The following PCDH11X variants were observed in gnomAD, a reference collection of about 807,000 sequenced individuals.
PCDH11X encodes the protein protocadherin 11 X-linked.
PCDH11X carries 18 observed loss-of-function variants against 53.3 expected under a neutral mutation model. The ratio of observed to expected loss-of-function variants is 0.34; its 90% CI spans 0.23 to 0.50. The LOEUF is 0.50. PCDH11X is among the 20% of genes least tolerant of loss of function. The pLI, the probability that PCDH11X is intolerant of heterozygous loss-of-function variation, is 0.98. For missense variants in PCDH11X, 570 were observed against 1,032.4 expected (o/e 0.55, Z 6.14); for synonymous variants, 279 against 393.3 (o/e 0.71, Z 3.44).
intron 6 of PCDH11X, among the ~76,000 whole-genome samples, chrX:91,897,919 A>G (rs982529577): frequency 8.9e-6 from 1 of 112,135 alleles, no homozygotes; most frequent in Non-Finnish European, 1.9e-5. Context: ...TGCCAGGCAT[A>G]GTGCTAGGCA....
At chrX:92,530,810 G>T in intron 10 of PCDH11X, among the ~76,000 whole-genome samples, 1 of 111,322 alleles carries the variant, frequency 9.0e-6, no homozygotes, top group Non-Finnish European at 1.9e-5. Context: ...AAAACTTCAA[G>T]CATTGTAAAT....
chrX:91,867,459 G>A (rs1453171582), intron 5 of PCDH11X, among the ~76,000 whole-genome samples: 1 of 108,847 alleles, frequency 9.2e-6, no homozygotes, highest in Non-Finnish European at 1.9e-5. Flanking sequence ...CAGAGCTAAT[G>A]AAGAGTCAGA....
intron 7 of PCDH11X, among the ~76,000 whole-genome samples, chrX:92,207,704 G>A (rs1384719093): frequency 9.0e-6 from 1 of 111,391 alleles, no homozygotes; most frequent in African/African-American, 3.3e-5. Context: ...ATGGGAGTGG[G>A]GAATGGACTT....
chrX:92,214,394 T>C (rs2066648312), intron 7 of PCDH11X, among the ~76,000 whole-genome samples: 1 of 112,193 alleles, frequency 8.9e-6, no homozygotes, highest in African/African-American at 3.2e-5. Flanking sequence ...TTTGGTTCTC[T>C]TTGTAGTAAG....
At chrX:92,541,531 G>A (rs1007747153) in intron 10 of PCDH11X, among the ~76,000 whole-genome samples, 1 of 111,279 alleles carries the variant, frequency 9.0e-6, no homozygotes, top group African/African-American at 3.3e-5. Flanking sequence ...TTGATTTTTG[G>A]TCCAGTGATG....
At chrX:92,398,709 A>G (rs2071304819) in intron 9 of PCDH11X, among the ~76,000 whole-genome samples, 1 of 111,124 alleles carries the variant, frequency 9.0e-6, no homozygotes, top group South Asian at 3.8e-4. Flanking sequence ...GTGGGACCAG[A>G]TTGCCTAGAA....
At chrX:92,037,196 C>G (rs1025563215) in intron 6 of PCDH11X, among the ~76,000 whole-genome samples, 1 of 110,402 alleles carries the variant, frequency 9.1e-6, no homozygotes, top group African/African-American at 3.3e-5. Context: ...TGTCCTGATG[C>G]TGTCGCTCCC....
chrX:91,962,768 A>G (rs2061807070), intron 6 of PCDH11X, among the ~76,000 whole-genome samples: 1 of 110,608 alleles, frequency 9.0e-6, no homozygotes, highest in African/African-American at 3.3e-5. Flanking sequence ...GCATTTACAT[A>G]TATCTTTTAA....
chrX:92,429,479 A>C (rs2072200801), intron 9 of PCDH11X, among the ~76,000 whole-genome samples: 1 of 108,786 alleles, frequency 9.2e-6, no homozygotes, highest in Non-Finnish European at 1.9e-5. Flanking sequence ...AGCCAAGGTC[A>C]AGGAGTGAAA....
At chrX:92,269,362 C>T (rs1437362910) in intron 8 of PCDH11X, among the ~76,000 whole-genome samples, 1 of 111,981 alleles carries the variant, frequency 8.9e-6, no homozygotes, top group Non-Finnish European at 1.9e-5. Flanking sequence ...AGATTTAGCT[C>T]ACTACACATT....
intron 6 of PCDH11X, among the ~76,000 whole-genome samples, chrX:91,885,781 G>A (rs982412368): frequency 4.5e-5 from 5 of 111,730 alleles, no homozygotes; most frequent in Admixed American, 9.6e-5. Flanking sequence ...TATGAGTGCT[G>A]TATTTGAAGA....
intron 6 of PCDH11X, among the ~76,000 whole-genome samples, chrX:92,014,412 T>C (rs770149204): frequency 0.012 from 1,262 of 109,117 alleles, 14 homozygotes; most frequent in African/African-American, 0.039. Context: ...TGTGGAGAAA[T>C]AGGAACACTT....
chrX:92,215,980 C>G (rs2066700834), intron 7 of PCDH11X, among the ~76,000 whole-genome samples: 1 of 111,046 alleles, frequency 9.0e-6, no homozygotes, highest in Admixed American at 9.6e-5. Context: ...TCCAACAGAC[C>G]TGAAGCTGAG....
intron 5 of PCDH11X, among the ~76,000 whole-genome samples, chrX:91,856,037 T>G (rs1237562266): frequency 1.0e-5 from 1 of 98,216 alleles, no homozygotes; most frequent in African/African-American, 3.7e-5. Flanking sequence ...AGTACTATGT[T>G]GAATAATAGT....
At chrX:92,281,721 A>G (rs754647730) in intron 8 of PCDH11X, among the ~76,000 whole-genome samples, 85 of 111,758 alleles carry the variant, frequency 7.6e-4, no homozygotes, top group African/African-American at 2.7e-3. Context: ...GTGGATGTTG[A>G]CATACTAACA....
At chrX:91,810,075 A>G (rs1181392846) in intron 2 of PCDH11X, among the ~76,000 whole-genome samples, 4 of 111,569 alleles carry the variant, frequency 3.6e-5, no homozygotes, top group Non-Finnish European at 7.5e-5. Context: ...CATATTTTCC[A>G]CATAAATATG....
intron 6 of PCDH11X, among the ~76,000 whole-genome samples, chrX:91,978,089 G>C (rs896024430): frequency 1.8e-5 from 2 of 111,556 alleles, no homozygotes; most frequent in Non-Finnish European, 3.8e-5. Flanking sequence ...TAACATGGCA[G>C]ATGAGAAGTT....
intron 6 of PCDH11X, among the ~76,000 whole-genome samples, chrX:92,014,974 A>G (rs1199398230): frequency 9.0e-6 from 1 of 111,153 alleles, no homozygotes; most frequent in African/African-American, 3.3e-5. Flanking sequence ...AACATGGCAC[A>G]TGTTTACATA....
At chrX:92,095,806 G>A (rs1436933893) in intron 6 of PCDH11X, among the ~76,000 whole-genome samples, 1 of 111,910 alleles carries the variant, frequency 8.9e-6, no homozygotes, top group Admixed American at 9.5e-5. Context: ...GATTGACAAG[G>A]CAAAAATCTT....
Sources: gnomAD v4.1 joint callset for allele counts (sites outside exome capture counted in the v4.1 genomes callset) on GRCh38, gnomAD v4.1.1 for gene constraint, MANE v1.5 for transcripts, NCBI Gene and HGNC (gene_info 2026-07-23, HGNC 2026-07-21) for gene names.